HADH: variants seen among roughly 807,000 people sequenced by gnomAD.
HADH encodes hydroxyacyl-coenzyme A dehydrogenase, mitochondrial.
HADH carries 24 observed loss-of-function variants against 32.2 expected under a neutral mutation model. The observed-to-expected ratio is 0.75, with a 90% CI of 0.54 to 1.05. The LOEUF is 1.05. HADH is among the 50% of genes least tolerant of loss of function. HADH has a pLI of 0.00. For missense variants in HADH, 350 were observed against 397.1 expected (o/e 0.88, Z 1.01); for synonymous variants, 139 against 152.5 (o/e 0.91, Z 0.65).
chr4:108,013,758 G>A (rs1735587225), intron 2 of HADH, among the ~76,000 whole-genome samples: 1 of 151,920 alleles, frequency 6.6e-6, no homozygotes, highest in Non-Finnish European at 1.5e-5. Context: ...TAAATATTGA[G>A]TACCTGTTAA....
At chr4:107,992,792 GA>G (rs546686045) in intron 1 of HADH, among the ~76,000 whole-genome samples, 62 of 152,294 alleles carry the variant, frequency 4.1e-4, no homozygotes, top group Non-Finnish European at 7.5e-4. Context: ...CATGTAATAA[GA>G]GTTCACAGAA....
intron 7 of HADH, 110 bp from the exon 8 acceptor site, chr4:108,034,129 G>C (rs2126242277): frequency 1.2e-6 from 1 of 808,114 alleles, no homozygotes; most frequent in East Asian, 2.5e-5. Context: ...CGCCATGCCT[G>C]GGGGGCTCTC....
intron 1 of HADH, chr4:108,004,585 T>C (rs1735228774): frequency 7.5e-6 from 10 of 1,335,392 alleles, no homozygotes; most frequent in African/African-American, 1.5e-5. Context: ...GAATGAATAA[T>C]CCAAACTTGA....
At chr4:108,028,635 C>T in intron 6 of HADH, 1 of 386,120 alleles carries the variant, frequency 2.6e-6, no homozygotes, top group Non-Finnish European at 4.6e-6. Flanking sequence ...AATTGCCTCA[C>T]TTTTGCTCCA....
intron 1 of HADH, among the ~76,000 whole-genome samples, chr4:107,994,208 GA>G (rs1237467403): frequency 6.6e-6 from 1 of 151,832 alleles, no homozygotes; most frequent in Non-Finnish European, 1.5e-5. Flanking sequence ...GGGGGTTGGG[GA>G]TAGGTTCTTC....
At position 107,989,912 on chromosome 4, in the gene HADH, T is replaced by A. The variant is rs1471079371; in HGVS notation, c.-21T>A. 1.2e-6 allele frequency: 2 copies of A among 1,608,854 alleles called. No homozygotes were observed. Among genetic ancestry groups the A allele is most frequent in the Non-Finnish European group, 1.7e-6 (2 of 1,178,564 alleles). ...GTCTTCCCTGCCCGGGTCTCCTCGC[T>A]GTCGCCGCCGCTGCCACACCATGGC... On this transcript the variant is annotated 5_prime_UTR_variant, in exon 1 of 8. Coordinates refer to ENST00000309522, the MANE Select transcript of HADH (RefSeq NM_005327.7).
At chr4:108,029,311 C>CT (rs1171204951) in intron 6 of HADH, 1 of 162,848 alleles carries the variant, frequency 6.1e-6, no homozygotes, top group East Asian at 1.7e-4. Context: ...CTGTTCATCA[C>CT]TTTTGATTCC....
chr4:108,030,748 CTGAT>C (rs1736234364), intron 6 of HADH: 1 of 152,256 alleles, frequency 6.6e-6, no homozygotes, highest in African/African-American at 2.4e-5. Flanking sequence ...GAAAGGGTGT[CTGAT>C]TGTCAGAAGT....
At chr4:108,000,464 A>G (rs1441489969) in intron 1 of HADH, among the ~76,000 whole-genome samples, 1 of 152,176 alleles carries the variant, frequency 6.6e-6, no homozygotes, top group Non-Finnish European at 1.5e-5. Flanking sequence ...GTCTATAACC[A>G]GTTAAGTTTT....
chr4:108,006,271 G>T (rs1735289665), intron 1 of HADH, among the ~76,000 whole-genome samples: 1 of 152,136 alleles, frequency 6.6e-6, no homozygotes, highest in South Asian at 2.1e-4. Context: ...AACTCAATTG[G>T]TTTAGAGCTT....
At chr4:108,016,461 G>A (rs1446607408) in intron 3 of HADH, among the ~76,000 whole-genome samples, 1 of 152,202 alleles carries the variant, frequency 6.6e-6, no homozygotes, top group African/African-American at 2.4e-5. Flanking sequence ...CTGGCATCTA[G>A]AGGCTACAGA....
chr4:108,005,014 T>G (rs3775973), intron 1 of HADH: 820,335 of 899,068 alleles, frequency 0.91, 376,017 homozygotes, highest in East Asian at 0.97. Flanking sequence ...ATGTTTATTT[T>G]ATACTGTAAC....
At chr4:108,006,140 C>A (rs1735284825) in intron 1 of HADH, among the ~76,000 whole-genome samples, 1 of 152,152 alleles carries the variant, frequency 6.6e-6, no homozygotes, top group African/African-American at 2.4e-5. Flanking sequence ...TGTGAAGAGT[C>A]CCAGGCAGGA....
At chr4:108,032,431 C>A in intron 6 of HADH, 1 of 1,075,676 alleles carries the variant, frequency 9.3e-7, no homozygotes, top group South Asian at 1.3e-5. Flanking sequence ...ATACTCCTTA[C>A]TTGTAAAACC....
chr4:108,003,314 G>A (rs746127428), intron 1 of HADH, among the ~76,000 whole-genome samples: 1 of 152,102 alleles, frequency 6.6e-6, no homozygotes, highest in East Asian at 1.9e-4. Context: ...AAAGCTAGAC[G>A]AACTTTCTCC....
chr4:108,019,693 C>T (rs1341375815), intron 4 of HADH, 27 bp downstream of exon 4: 1 of 1,613,286 alleles, frequency 6.2e-7, no homozygotes, highest in Non-Finnish European at 8.5e-7. Context: ...TTGTGTGTGT[C>T]TGCCCGCTCT....
At chr4:108,033,815 G>A (rs1404603313) in intron 7 of HADH, among the ~76,000 whole-genome samples, 2 of 152,234 alleles carry the variant, frequency 1.3e-5, no homozygotes, top group Admixed American at 6.5e-5. Context: ...AATGCTAGTT[G>A]AAGAATTAAA....
chr4:108,016,326 G>C (rs1031555177), intron 3 of HADH, among the ~76,000 whole-genome samples: 1 of 152,202 alleles, frequency 6.6e-6, no homozygotes, highest in East Asian at 1.9e-4. Context: ...CCAGCTTGTC[G>C]GAATGTTAAC....
intron 6 of HADH, chr4:108,028,043 T>C (rs1736123844): frequency 3.9e-6 from 2 of 515,516 alleles, no homozygotes; most frequent in Non-Finnish European, 6.9e-6. Flanking sequence ...CAGATTGATA[T>C]CCTGGATCTC....
Sources: gnomAD v4.1 joint callset for allele counts (sites outside exome capture counted in the v4.1 genomes callset) on GRCh38, gnomAD v4.1.1 for gene constraint, MANE v1.5 for transcripts, NCBI Gene and HGNC (gene_info 2026-07-23, HGNC 2026-07-21) for gene names.